Variants in ZNF423 observed in about 807,000 individuals in gnomAD.
The protein encoded by ZNF423 is zinc finger protein 423.
In ZNF423, 12 loss-of-function variants were observed where a neutral mutation model predicts 95.8. The ratio of observed to expected loss-of-function variants is 0.13; its 90% CI spans 0.08 to 0.20. ZNF423 has a LOEUF of 0.20. Ranked by LOEUF, ZNF423 falls within the 10% of genes least tolerant of loss-of-function variation. The pLI is 1.00. For missense variants in ZNF423, 1,316 were observed against 1,737.1 expected, an observed-to-expected ratio of 0.76 and a Z score of 4.31; for synonymous variants, 749 against 711.9, an observed-to-expected ratio of 1.05 and a Z score of -0.83.
chr16:49,496,771 G>A (rs543251209), intron 7 of ZNF423, among the ~76,000 whole-genome samples: 1 of 152,308 alleles, frequency 6.6e-6, no homozygotes, highest in South Asian at 2.1e-4. Context: ...TGACCCAGCA[G>A]GGTGCTCTGT....
At chr16:49,804,797 G>A (rs779990932) in intron 1 of ZNF423, among the ~76,000 whole-genome samples, 1 of 151,962 alleles carries the variant, frequency 6.6e-6, no homozygotes, top group Non-Finnish European at 1.5e-5. Flanking sequence ...ACCCTGCAAG[G>A]TAGCTCTGAA....
chr16:49,723,377 T>C (rs142629086), intron 3 of ZNF423, among the ~76,000 whole-genome samples: 13 of 152,328 alleles, frequency 8.5e-5, no homozygotes, highest in Non-Finnish European at 1.8e-4. Context: ...AGGCCAGGCA[T>C]CTCAAGCAGG....
chr16:49,679,841 T>C (rs903584781), intron 3 of ZNF423, among the ~76,000 whole-genome samples: 2 of 152,222 alleles, frequency 1.3e-5, no homozygotes, highest in Non-Finnish European at 1.5e-5. Context: ...TGAGAACTTA[T>C]GGTGCTGTTT....
chr16:49,724,603 G>T (rs2032957162), intron 3 of ZNF423, among the ~76,000 whole-genome samples: 1 of 152,260 alleles, frequency 6.6e-6, no homozygotes, highest in Non-Finnish European at 1.5e-5. Flanking sequence ...AGCACAAAAA[G>T]GCAAGCGCTG....
chr16:49,786,222 C>T (rs2034309974), intron 2 of ZNF423, among the ~76,000 whole-genome samples: 1 of 152,252 alleles, frequency 6.6e-6, no homozygotes, highest in Admixed American at 6.5e-5. Context: ...CCAGGCTCTC[C>T]ATCACTGTCA....
At chr16:49,737,837 A>T (rs962757585) in intron 2 of ZNF423, among the ~76,000 whole-genome samples, 4 of 152,210 alleles carry the variant, frequency 2.6e-5, no homozygotes, top group Non-Finnish European at 5.9e-5. Flanking sequence ...CCAGCACACG[A>T]ATCAGAAGGA....
intron 7 of ZNF423, among the ~76,000 whole-genome samples, chr16:49,519,618 T>C (rs1176649494): frequency 6.6e-6 from 1 of 152,256 alleles, no homozygotes; most frequent in Non-Finnish European, 1.5e-5. Flanking sequence ...CTTCATATAG[T>C]CTGGATACAA....
intron 4 of ZNF423, 77 bp from the exon 5 acceptor site, chr16:49,626,331 C>G (rs928606808): frequency 1.7e-5 from 24 of 1,414,304 alleles, no homozygotes; most frequent in Non-Finnish European, 2.2e-5. Context: ...TCCTAGGGGG[C>G]CTGGGTCAAG....
At chr16:49,851,151 C>T (rs11641753) in intron 1 of ZNF423, among the ~76,000 whole-genome samples, 31,232 of 152,174 alleles carry the variant, frequency 0.21, 3,352 homozygotes, top group African/African-American at 0.25. Flanking sequence ...AATGGGATAC[C>T]GTTGTTTTAT....
intron 3 of ZNF423, among the ~76,000 whole-genome samples, chr16:49,665,625 C>T (rs1394615319): frequency 3.3e-5 from 5 of 152,192 alleles, no homozygotes; most frequent in South Asian, 4.2e-4. Context: ...GAGCCTCCTC[C>T]GCTCCTCACT....
rs1361068207 is a variant in ZNF423, at chr16:49,854,945, C to T, written c.40+790G>A. 4.1e-6 allele frequency: 4 copies of T among 985,016 alleles called. No individual in the cohort carries two copies. In the African/African-American group the frequency reaches 7.0e-5, roughly 17 times the overall value. 61.0% of individuals were successfully genotyped at this position (985,016 alleles called of 1,614,324 possible). On this transcript the variant is annotated intron_variant, in intron 1 of 7. Coordinates refer to ENST00000563137, the MANE Select transcript of ZNF423 (RefSeq NM_001379286.1). ...GTGCCCGGGGTCAGATCCAGGGTGC[C>T]GGTGCCCGGGGTCAGATCCGGGGCG...
intron 2 of ZNF423, among the ~76,000 whole-genome samples, chr16:49,780,131 A>G (rs940884498): frequency 6.6e-6 from 1 of 152,218 alleles, no homozygotes; most frequent in Non-Finnish European, 1.5e-5. Flanking sequence ...CAGAAGACGC[A>G]CTGCACACGT....
At chr16:49,597,403 G>T (rs1366526342) in intron 5 of ZNF423, among the ~76,000 whole-genome samples, 1 of 152,144 alleles carries the variant, frequency 6.6e-6, no homozygotes, top group Non-Finnish European at 1.5e-5. Flanking sequence ...GGTTTAGTAC[G>T]ATAAAAGAAT....
chr16:49,801,982 G>C (rs555883218), intron 1 of ZNF423, among the ~76,000 whole-genome samples: 8 of 152,098 alleles, frequency 5.3e-5, no homozygotes, highest in Non-Finnish European at 1.2e-4. Context: ...CCAAGTAGCT[G>C]AGACTAGAGG....
intron 1 of ZNF423, among the ~76,000 whole-genome samples, chr16:49,812,982 T>C (rs2034777337): frequency 1.3e-5 from 2 of 152,116 alleles, no homozygotes; most frequent in Admixed American, 1.3e-4. Flanking sequence ...TTTAAAAGTG[T>C]GTGTGTGTTC....
intron 3 of ZNF423, among the ~76,000 whole-genome samples, chr16:49,701,675 G>A (rs1346149382): frequency 1.3e-5 from 2 of 152,174 alleles, no homozygotes; most frequent in Non-Finnish European, 2.9e-5. Context: ...GACACTGGGT[G>A]TTTAAAGAGA....
intron 1 of ZNF423, among the ~76,000 whole-genome samples, chr16:49,816,954 G>A (rs917563083): frequency 6.6e-6 from 1 of 152,166 alleles, no homozygotes; most frequent in Non-Finnish European, 1.5e-5. Context: ...CAAGTACTGA[G>A]GACACAGTTG....
intron 5 of ZNF423, among the ~76,000 whole-genome samples, chr16:49,602,488 G>C (rs1971405203): frequency 6.6e-6 from 1 of 152,200 alleles, no homozygotes; most frequent in South Asian, 2.1e-4. Flanking sequence ...CCATAGACCA[G>C]GGCACACTCA....
chr16:49,752,116 G>A (rs1017520934), intron 2 of ZNF423, among the ~76,000 whole-genome samples: 8 of 152,246 alleles, frequency 5.3e-5, no homozygotes, highest in African/African-American at 1.9e-4. Context: ...GAATTGTGTG[G>A]CCACATTTCC....
Sources: gnomAD v4.1 joint callset for allele counts (sites outside exome capture counted in the v4.1 genomes callset) on GRCh38, gnomAD v4.1.1 for gene constraint, MANE v1.5 for transcripts, NCBI Gene and HGNC (gene_info 2026-07-23, HGNC 2026-07-21) for gene names.